The following CACNA1C variants were observed in gnomAD, a reference collection of about 807,000 sequenced individuals.
CACNA1C encodes calcium voltage-gated channel subunit alpha1 C.
Under a neutral mutation model 229.0 loss-of-function variants are expected in CACNA1C, and 30 were observed. The observed-to-expected ratio is 0.13, with a 90% CI of 0.10 to 0.18. The LOEUF is 0.18. Ranked by LOEUF, CACNA1C falls within the 10% of genes least tolerant of loss-of-function variation. The probability of loss-of-function intolerance (pLI) is 1.00; values close to 1 mark genes in which losing one functional copy is unlikely to be tolerated. For synonymous variants in CACNA1C, 1,114 were observed against 1,132.5 expected, an observed-to-expected ratio of 0.98 and a Z score of 0.33; for missense variants, 1,658 against 2,845.0, an observed-to-expected ratio of 0.58 and a Z score of 9.49.
chr12:2,181,331 G>C lies in CACNA1C; in HGVS notation c.477+60901G>C, dbSNP rs11062144. ...TGGGGCTCATGCTTGAAGTTATTTA[G>C]AGAATCTCTAAGATACAAGTGGAGA... On this transcript the variant is annotated intron_variant, in intron 3 of 46. Coordinates refer to ENST00000399655, the MANE Select transcript of CACNA1C (RefSeq NM_000719.7). This position sits in a 1 kb window ranked among gnomAD's most constrained non-coding sequence, Gnocchi z 4.0. 6.0e-4 allele frequency among the ~76,000 whole-genome samples: 92 copies of C among 152,236 alleles called. No individual in the cohort carries two copies. Among genetic ancestry groups the C allele is most frequent in the Admixed American group, 1.4e-3 (21 of 15,304 alleles).
intron 3 of CACNA1C, among the ~76,000 whole-genome samples, chr12:2,128,964 G>A (rs781337220): frequency 6.6e-6 from 1 of 152,200 alleles, no homozygotes; most frequent in Admixed American, 6.5e-5. Context: ...AGTGGGTGAG[G>A]CATCTCCCGG....
At position 2,067,482 on chromosome 12, in the gene CACNA1C, G is replaced by GTGTGTGTGTGTGCA. The variant is rs1555107491; in HGVS notation, c.49+13871_49+13872insTGTGTGTGTGTGCA. Among the ~76,000 whole-genome samples the GTGTGTGTGTGTGCA allele has an allele frequency of 0.012, 208 of 17,348 alleles. 3 individuals are homozygous for GTGTGTGTGTGTGCA. The highest frequency in any genetic ancestry group is 0.021 in the Admixed American group (18 of 844). The allele number at this position is 17,348 out of a possible 152,430, so 11.4% of individuals were successfully genotyped here. A position where few individuals can be genotyped will look rare whatever the true frequency, so the allele number is the denominator to read the frequency against. ...TGTGTGTGTGTGTGTGTGTGTGTGT[G>GTGTGTGTGTGTGCA]CGCGCGTGTGCGTGCCTGTATGTAA... On this transcript the variant is annotated intron_variant, in intron 1 of 46. Coordinates refer to ENST00000399655, the MANE Select transcript of CACNA1C (RefSeq NM_000719.7). The surrounding 1 kb of genome is among the most constrained non-coding windows in gnomAD (Gnocchi z 5.3).
At chr12:2,097,944 G>A (rs1332358721) in intron 1 of CACNA1C, among the ~76,000 whole-genome samples, 1 of 152,228 alleles carries the variant, frequency 6.6e-6, no homozygotes, top group African/African-American at 2.4e-5. Context: ...CTGGACCAAT[G>A]AGTTCTAGAA....
At chr12:2,254,469 A>G (rs1160880300) in intron 3 of CACNA1C, among the ~76,000 whole-genome samples, 1 of 152,102 alleles carries the variant, frequency 6.6e-6, no homozygotes, top group Non-Finnish European at 1.5e-5. Context: ...TCTTAGTATG[A>G]GAACGAAGGT....
At chr12:2,473,019 T>G (rs1051769328) in intron 5 of CACNA1C, among the ~76,000 whole-genome samples, 4 of 152,212 alleles carry the variant, frequency 2.6e-5, no homozygotes, top group Admixed American at 6.5e-5. Flanking sequence ...ACAAAGGGCC[T>G]TACTCCCAGG....
intron 19 of CACNA1C, among the ~76,000 whole-genome samples, chr12:2,594,632 G>T (rs1285202936): frequency 1.3e-5 from 2 of 152,024 alleles, no homozygotes; most frequent in Admixed American, 1.3e-4. Flanking sequence ...AAATATAGTT[G>T]TTTTATAGTC....
intron 3 of CACNA1C, among the ~76,000 whole-genome samples, chr12:2,438,052 T>G (rs2099161074): frequency 7.3e-6 from 1 of 137,046 alleles, no homozygotes; most frequent in Non-Finnish European, 1.6e-5. Context: ...GTGGTGGTAA[T>G]GATGGTGGTG....
intron 3 of CACNA1C, among the ~76,000 whole-genome samples, chr12:2,378,819 T>TTCCTTCCTTCCTTCCTTCCTTCCTTC (rs745485698): frequency 5.2e-4 from 77 of 147,860 alleles, no homozygotes; most frequent in African/African-American, 1.9e-3. Context: ...CCTTCCTTCC[T>TTCCTTCCTTCCTTCCTTCCTTCCTTC]CTCTCTCTTT....
intron 3 of CACNA1C, among the ~76,000 whole-genome samples, chr12:2,232,110 G>T (rs553726603): frequency 1.9e-4 from 29 of 151,290 alleles, no homozygotes; most frequent in Non-Finnish European, 3.8e-4. Flanking sequence ...GATCTTACGA[G>T]TTTCTCCACT....
intron 7 of CACNA1C, among the ~76,000 whole-genome samples, chr12:2,503,634 A>G (rs760797583): frequency 2.6e-5 from 4 of 152,324 alleles, no homozygotes; most frequent in African/African-American, 7.2e-5. Flanking sequence ...AGTGTGGTCA[A>G]CGAACACGGA....
intron 1 of CACNA1C, among the ~76,000 whole-genome samples, chr12:2,057,620 C>T (rs1033816322): frequency 1.3e-5 from 2 of 152,180 alleles, no homozygotes; most frequent in Non-Finnish European, 2.9e-5. Flanking sequence ...AGTGACCTCT[C>T]CACCCTGTTG....
At chr12:2,577,453 T>G (rs1287656833) in intron 13 of CACNA1C, among the ~76,000 whole-genome samples, 2 of 152,236 alleles carry the variant, frequency 1.3e-5, no homozygotes, top group Non-Finnish European at 2.9e-5. Context: ...TAGGACATAT[T>G]GATACATATT....
intron 3 of CACNA1C, among the ~76,000 whole-genome samples, chr12:2,271,283 G>A (rs937898801): frequency 3.9e-5 from 6 of 152,192 alleles, no homozygotes; most frequent in Admixed American, 3.9e-4. Context: ...AAACATTTCT[G>A]TAGGTTTAAG....
In CACNA1C at chr12:2,625,855, G is replaced by A. The variant is rs143512931; in HGVS notation, c.3829-8442G>A. Among the ~76,000 whole-genome samples the A allele has an allele frequency of 3.6e-3, 541 of 152,264 alleles. 3 individuals are homozygous for A. Among genetic ancestry groups the A allele is most frequent in the African/African-American group, 0.012 (515 of 41,558 alleles). ...CACCTGTAGTCCCAGCTCCTTGGGA[G>A]GCTGAGACGAGAGGATCTCTTGTGC... On this transcript the variant is annotated intron_variant, in intron 29 of 46. Coordinates refer to ENST00000399655, the MANE Select transcript of CACNA1C (RefSeq NM_000719.7).
chr12:2,464,521 C>T (rs1271036389), intron 5 of CACNA1C, among the ~76,000 whole-genome samples: 1 of 152,226 alleles, frequency 6.6e-6, no homozygotes, highest in South Asian at 2.1e-4. Context: ...CACTCTTTAT[C>T]CTTTGCTTTT....
Position 2,639,159 on chromosome 12 carries a change from C to G in CACNA1C, c.3912+4779C>G, listed in dbSNP as rs530974556. Among the ~76,000 whole-genome samples, 13 of 152,338 alleles carry G rather than the reference C, an allele frequency of 8.5e-5. No individual in the cohort carries two copies. In the South Asian group the frequency reaches 1.2e-3, roughly 15 times the overall value. Reference sequence around the variant, plus strand: ...CAGTATCTGAGCCATGGGCCCCGGCCCTTCTCCTGCCAATGCATCACCTGG... The same window carrying G: ...CAGTATCTGAGCCATGGGCCCCGGCGCTTCTCCTGCCAATGCATCACCTGG... On this transcript the variant is annotated intron_variant, in intron 30 of 46. Transcript: ENST00000399655. The surrounding 1 kb of genome is among the most constrained non-coding windows in gnomAD (Gnocchi z 4.2).
chr12:2,169,710 A>G (rs1232549251), intron 3 of CACNA1C, among the ~76,000 whole-genome samples: 1 of 152,236 alleles, frequency 6.6e-6, no homozygotes. Flanking sequence ...AATCAGGCCT[A>G]TGTGTGGACT....
intron 3 of CACNA1C, among the ~76,000 whole-genome samples, chr12:2,219,745 T>C (rs1255919064): frequency 6.6e-6 from 1 of 152,186 alleles, no homozygotes; most frequent in Non-Finnish European, 1.5e-5. Context: ...CTGGAAACAC[T>C]TGCTTTCACG....
chr12:2,000,470 TA>T (rs71441668), intron 1 of CACNA1C, among the ~76,000 whole-genome samples: 67 of 146,126 alleles, frequency 4.6e-4, no homozygotes, highest in South Asian at 4.3e-4. Context: ...TTTTCTTAAT[TA>T]AAAAAAAAAA....
Sources: gnomAD v4.1 joint callset for allele counts (sites outside exome capture counted in the v4.1 genomes callset) on GRCh38, gnomAD v4.1.1 for gene constraint, Gnocchi (gnomAD v3.1) non-coding constraint, MANE v1.5 for transcripts, NCBI Gene and HGNC (gene_info 2026-07-23, HGNC 2026-07-21) for gene names.